ATP10D: variants seen among roughly 807,000 people sequenced by gnomAD.
ATP10D encodes the protein phospholipid-transporting ATPase VD.
ATP10D carries 89 observed loss-of-function variants against 144.8 expected under a neutral mutation model. That is an observed-to-expected ratio of 0.61 (90% CI 0.52 to 0.73). The LOEUF is 0.73. Ranked by LOEUF, ATP10D falls within the 30% of genes least tolerant of loss-of-function variation. The pLI is 0.00. For missense variants in ATP10D, 1,603 were observed against 1,714.8 expected (o/e 0.93, Z 1.15); for synonymous variants, 571 against 615.1 (o/e 0.93, Z 1.06).
chr4:47,489,664 G>A (rs936864548), intron 1 of ATP10D, among the ~76,000 whole-genome samples: 1 of 152,114 alleles, frequency 6.6e-6, no homozygotes, highest in African/African-American at 2.4e-5. Context: ...CTTATTGTGT[G>A]TACTTTTATG....
intron 4 of ATP10D, among the ~76,000 whole-genome samples, chr4:47,524,987 G>A (rs921408608): frequency 6.6e-6 from 1 of 152,014 alleles, no homozygotes; most frequent in Non-Finnish European, 1.5e-5. Flanking sequence ...TTGTTTCAGG[G>A]GAATCCATAC....
At chr4:47,505,737 C>T (rs962560821) in intron 1 of ATP10D, among the ~76,000 whole-genome samples, 1 of 151,800 alleles carries the variant, frequency 6.6e-6, no homozygotes, top group Admixed American at 6.6e-5. Flanking sequence ...GAGCAAGACT[C>T]CGTCTCCAAA....
intron 5 of ATP10D, among the ~76,000 whole-genome samples, chr4:47,532,924 G>A (rs1023450951): frequency 6.6e-6 from 1 of 152,132 alleles, no homozygotes; most frequent in Non-Finnish European, 1.5e-5. Context: ...ATGTTTCATG[G>A]AAGCTGTATG....
At chr4:47,503,254 T>G (rs1715813938) in intron 1 of ATP10D, among the ~76,000 whole-genome samples, 1 of 152,160 alleles carries the variant, frequency 6.6e-6, no homozygotes, top group Non-Finnish European at 1.5e-5. Context: ...CTTATTGCTG[T>G]GGATATTCCT....
chr4:47,515,563 T>C lies in ATP10D; in HGVS notation c.378T>C (p.Pro126=), dbSNP rs756442186. The part of the protein sequence containing the change: ...EAFQKEITML[P]LVVVLTIIAI... The stretch of plus-strand genomic sequence containing the variant: ...TCCAAAAGGAAATCACCATGTTGCC[T>C]CTGGTGGTGGTCCTTACAATTATCG... Residue 126 remains proline (P), a synonymous_variant, in exon 3 of 23, where the codon CCT becomes CCC. Coordinates refer to ENST00000273859, the MANE Select transcript of ATP10D (RefSeq NM_020453.4). 1 of 1,613,228 alleles carries C rather than the reference T, an allele frequency of 6.2e-7. No individual in the cohort carries two copies. Among genetic ancestry groups the C allele is most frequent in the Non-Finnish European group, 8.5e-7 (1 of 1,179,194 alleles).
At chr4:47,500,636 G>A (rs1042225872) in intron 1 of ATP10D, among the ~76,000 whole-genome samples, 3 of 152,196 alleles carry the variant, frequency 2.0e-5, no homozygotes, top group African/African-American at 7.2e-5. Flanking sequence ...CTAATATAGG[G>A]GAGAAGCAGT....
intron 1 of ATP10D, among the ~76,000 whole-genome samples, chr4:47,497,852 G>T (rs1001058140): frequency 1.3e-5 from 2 of 152,158 alleles, no homozygotes; most frequent in Admixed American, 6.5e-5. Context: ...TGTGTAAAAT[G>T]AAGTATTTAG....
At chr4:47,541,672 T>C (rs1467490182) in intron 9 of ATP10D, among the ~76,000 whole-genome samples, 1 of 152,220 alleles carries the variant, frequency 6.6e-6, no homozygotes, top group East Asian at 1.9e-4. Flanking sequence ...GCTGTTCACC[T>C]TTGTTTCGGG....
intron 20 of ATP10D, among the ~76,000 whole-genome samples, chr4:47,581,700 G>A (rs1280322212): frequency 6.6e-6 from 1 of 152,210 alleles, no homozygotes; most frequent in African/African-American, 2.4e-5. Context: ...AAAGCTAGAA[G>A]TGTGAGTGAA....
chr4:47,545,395 T>A (rs1226882288), intron 9 of ATP10D, among the ~76,000 whole-genome samples: 1 of 152,248 alleles, frequency 6.6e-6, no homozygotes, highest in Non-Finnish European at 1.5e-5. Flanking sequence ...ATCTGCTTTA[T>A]CTTTTAGGAA....
intron 1 of ATP10D, among the ~76,000 whole-genome samples, chr4:47,511,962 G>T (rs865935631): frequency 2.0e-4 from 31 of 152,192 alleles, no homozygotes; most frequent in African/African-American, 6.5e-4. Context: ...CTGAAGCAAG[G>T]CACATGGCCA....
At chr4:47,574,087 G>T (rs1560453557) in intron 18 of ATP10D, among the ~76,000 whole-genome samples, 1 of 152,132 alleles carries the variant, frequency 6.6e-6, no homozygotes. Context: ...GTGGTCAATG[G>T]CTTTTAAAGA....
intron 15 of ATP10D, among the ~76,000 whole-genome samples, chr4:47,568,102 A>G (rs6817967): frequency 0.44 from 67,544 of 152,046 alleles, 15,484 homozygotes; most frequent in East Asian, 0.7. Context: ...CCTCATGAAG[A>G]CTTCAAAAGT....
At chr4:47,546,533 T>C in intron 9 of ATP10D, 91 bp from the exon 10 acceptor site, 1 of 1,152,034 alleles carries the variant, frequency 8.7e-7, no homozygotes, top group Admixed American at 1.8e-5. Context: ...GAGGAGATGG[T>C]GTGAAATAGC....
intron 1 of ATP10D, among the ~76,000 whole-genome samples, chr4:47,507,840 T>A (rs1413707504): frequency 1.3e-5 from 2 of 151,908 alleles, no homozygotes; most frequent in Non-Finnish European, 2.9e-5. Flanking sequence ...CCTCCCAATC[T>A]CCCTCATTCC....
intron 1 of ATP10D, among the ~76,000 whole-genome samples, chr4:47,492,184 T>A (rs1002497673): frequency 1.1e-4 from 16 of 152,192 alleles, no homozygotes; most frequent in African/African-American, 3.9e-4. Flanking sequence ...TAAATCTCTT[T>A]ACAAAATTGT....
intron 3 of ATP10D, among the ~76,000 whole-genome samples, chr4:47,521,209 G>C (rs551656318): frequency 6.6e-6 from 1 of 152,246 alleles, no homozygotes; most frequent in Non-Finnish European, 1.5e-5. Flanking sequence ...ATGATCTCCA[G>C]ATCAGGACCC....
intron 1 of ATP10D, chr4:47,491,279 A>G: frequency 1.1e-6 from 1 of 894,276 alleles, no homozygotes; most frequent in Non-Finnish European, 1.8e-6. Context: ...AGACTCTTCC[A>G]GTTTTGCCAT....
chr4:47,557,438 T>C (rs1413918497), intron 11 of ATP10D, among the ~76,000 whole-genome samples: 1 of 151,980 alleles, frequency 6.6e-6, no homozygotes. Flanking sequence ...AAGTATTACA[T>C]AAATATTAAA....
Sources: gnomAD v4.1 joint callset for allele counts (sites outside exome capture counted in the v4.1 genomes callset) on GRCh38, gnomAD v4.1.1 for gene constraint, MANE v1.5 for transcripts, NCBI Gene and HGNC (gene_info 2026-07-23, HGNC 2026-07-21) for gene names.